Variants in SCFD2 observed in about 807,000 individuals in gnomAD.
SCFD2 encodes the protein sec1 family domain-containing protein 2.
A neutral mutation model predicts 58.9 loss-of-function variants in SCFD2; 54 were observed. That is an observed-to-expected ratio of 0.92 (90% CI 0.74 to 1.15). SCFD2 has a LOEUF of 1.15. Ranked by LOEUF, SCFD2 falls within the 50% of genes most tolerant of loss-of-function variation. The pLI is 0.00. For synonymous variants in SCFD2, 321 were observed against 335.9 expected (o/e 0.96, Z 0.49); for missense variants, 805 against 836.6 (o/e 0.96, Z 0.47).
chr4:53,181,659 A>G (rs1727561281), intron 4 of SCFD2, among the ~76,000 whole-genome samples: 1 of 152,206 alleles, frequency 6.6e-6, no homozygotes, highest in South Asian at 2.1e-4. Flanking sequence ...TGGCCAGGGC[A>G]ATCAGGCAGG....
At chr4:53,247,817 C>T (rs560045830) in intron 4 of SCFD2, among the ~76,000 whole-genome samples, 13 of 128,010 alleles carry the variant, frequency 1.0e-4, no homozygotes, top group African/African-American at 2.4e-4. Flanking sequence ...GCCGAGATTG[C>T]GCCACTGCAG....
At chr4:53,315,492 C>T (rs1401279163) in intron 2 of SCFD2, among the ~76,000 whole-genome samples, 4 of 152,042 alleles carry the variant, frequency 2.6e-5, no homozygotes, top group Admixed American at 1.3e-4. Flanking sequence ...GACAGGAAGC[C>T]AAGGAGCATG....
intron 7 of SCFD2, among the ~76,000 whole-genome samples, chr4:52,897,308 CTTA>C (rs1184395455): frequency 6.6e-6 from 1 of 152,148 alleles, no homozygotes; most frequent in African/African-American, 2.4e-5. Context: ...ATAGATAGCT[CTTA>C]TTATTTTGAG....
intron 6 of SCFD2, among the ~76,000 whole-genome samples, chr4:52,920,107 T>C (rs891846094): frequency 6.6e-6 from 1 of 152,176 alleles, no homozygotes; most frequent in Non-Finnish European, 1.5e-5. Context: ...CTTTCTTTAT[T>C]CCTTAAGCTT....
chr4:53,036,135 G>A (rs187705596), intron 5 of SCFD2, among the ~76,000 whole-genome samples: 75 of 151,880 alleles, frequency 4.9e-4, no homozygotes, highest in African/African-American at 1.7e-3. Flanking sequence ...AGGTATACAC[G>A]TGCCATGTTG....
intron 4 of SCFD2, among the ~76,000 whole-genome samples, chr4:53,261,636 C>T (rs1353600805): frequency 6.6e-6 from 1 of 152,050 alleles, no homozygotes; most frequent in Non-Finnish European, 1.5e-5. Flanking sequence ...TGTTTTGTGG[C>T]CTATCATATA....
intron 5 of SCFD2, among the ~76,000 whole-genome samples, chr4:53,122,737 T>G (rs1725517287): frequency 1.3e-5 from 2 of 152,182 alleles, no homozygotes; most frequent in African/African-American, 4.8e-5. Context: ...ATTTGTAAAC[T>G]GGGTAGTAAC....
rs948060029 is a variant in SCFD2 at position 52,923,802 on chromosome 4, T to C, written c.1562-2932A>G. Among the ~76,000 whole-genome samples, 23 of 152,218 alleles carry C rather than the reference T, an allele frequency of 1.5e-4. 1 individual carries two copies. The highest frequency in any genetic ancestry group is 1.2e-3 in the Admixed American group (19 of 15,286). ...GATTGGTATCACAGCGTGTTTGCTG[T>C]TGGCATCACACTTCAGTTGAAATAC... On this transcript the variant is annotated intron_variant, in intron 5 of 8. Transcript: ENST00000401642.
At chr4:52,899,748 C>T (rs1719132747) in intron 7 of SCFD2, among the ~76,000 whole-genome samples, 1 of 152,192 alleles carries the variant, frequency 6.6e-6, no homozygotes, top group Admixed American at 6.5e-5. Context: ...AGAGTGTTTT[C>T]CAACTTGGTT....
At chr4:53,117,533 C>T (rs896901921) in intron 5 of SCFD2, among the ~76,000 whole-genome samples, 8 of 152,158 alleles carry the variant, frequency 5.3e-5, no homozygotes, top group African/African-American at 1.9e-4. Flanking sequence ...AAAACACATA[C>T]AGTGTTCCAT....
intron 4 of SCFD2, among the ~76,000 whole-genome samples, chr4:53,164,565 G>A (rs1172526857): frequency 1.3e-5 from 2 of 152,060 alleles, no homozygotes; most frequent in African/African-American, 4.8e-5. Flanking sequence ...AGGCCAAGGC[G>A]GGCAGATAAC....
chr4:52,880,634 A>G (rs1718588073), intron 8 of SCFD2, among the ~76,000 whole-genome samples: 1 of 151,906 alleles, frequency 6.6e-6, no homozygotes, highest in African/African-American at 2.4e-5. Context: ...AAAAAAAAGA[A>G]AAAGAAAAAA....
intron 4 of SCFD2, among the ~76,000 whole-genome samples, chr4:53,239,243 G>A (rs1397141357): frequency 1.3e-5 from 2 of 151,584 alleles, no homozygotes; most frequent in African/African-American, 2.4e-5. Context: ...GCAGGCACTC[G>A]GCAGGCTGAG....
chr4:52,902,007 C>T (rs1309666299), intron 7 of SCFD2, among the ~76,000 whole-genome samples: 1 of 152,224 alleles, frequency 6.6e-6, no homozygotes, highest in Non-Finnish European at 1.5e-5. Flanking sequence ...GAATGGAGGT[C>T]TCCATTTCCC....
At chr4:52,907,752 AGAC>A (rs1719383226) in intron 6 of SCFD2, among the ~76,000 whole-genome samples, 161 bp from the exon 7 acceptor site, 1 of 151,464 alleles carries the variant, frequency 6.6e-6, no homozygotes, top group East Asian at 1.9e-4. Flanking sequence ...GTCACAGAAA[AGAC>A]AATATAACAA....
chr4:53,126,920 A>G (rs1322773916), intron 5 of SCFD2, among the ~76,000 whole-genome samples: 1 of 152,206 alleles, frequency 6.6e-6, no homozygotes, highest in Admixed American at 6.5e-5. Context: ...GGGTTTAAAT[A>G]AAAAATTTTG....
At chr4:52,951,498 G>A (rs1720592560) in intron 5 of SCFD2, among the ~76,000 whole-genome samples, 1 of 152,168 alleles carries the variant, frequency 6.6e-6, no homozygotes, top group Admixed American at 6.5e-5. Context: ...ACTAACTTAC[G>A]ATTGGAAAGC....
chr4:53,093,410 A>G (rs1724528959), intron 5 of SCFD2, among the ~76,000 whole-genome samples: 1 of 152,150 alleles, frequency 6.6e-6, no homozygotes, highest in East Asian at 1.9e-4. Flanking sequence ...ATTGAGAGCA[A>G]TTTGGCAATA....
At chr4:53,158,784 G>A (rs538816711) in intron 4 of SCFD2, among the ~76,000 whole-genome samples, 20 of 152,212 alleles carry the variant, frequency 1.3e-4, no homozygotes, top group African/African-American at 3.4e-4. Context: ...CAACAGTCAC[G>A]ACTTCTTTTC....
Sources: gnomAD v4.1 joint callset for allele counts (sites outside exome capture counted in the v4.1 genomes callset) on GRCh38, gnomAD v4.1.1 for gene constraint, MANE v1.5 for transcripts, NCBI Gene and HGNC (gene_info 2026-07-23, HGNC 2026-07-21) for gene names.